PDE8A: variants seen among roughly 807,000 people sequenced by gnomAD.
PDE8A encodes phosphodiesterase 8A.
PDE8A carries 59 observed loss-of-function variants against 105.0 expected under a neutral mutation model. The ratio of observed to expected loss-of-function variants is 0.56; its 90% CI spans 0.46 to 0.70. PDE8A has a LOEUF of 0.70. Among genes scored for constraint, PDE8A ranks in the 30% least tolerant of loss-of-function variants. PDE8A has a pLI of 0.00. For synonymous variants in PDE8A, 355 were observed against 371.9 expected, an observed-to-expected ratio of 0.95 and a Z score of 0.52; for missense variants, 1,014 against 1,045.9, an observed-to-expected ratio of 0.97 and a Z score of 0.42.
At chr15:84,980,506 TG>T (rs1301094841), upstream of PDE8A, 4 of 152,286 alleles carry the variant, frequency 2.6e-5, no homozygotes, top group Non-Finnish European at 5.9e-5. Context: ...AGGAAAGGTG[TG>T]GACGGTCGGA....
At chr15:85,062,251 ATTGTT>A (rs59124541) in intron 1 of PDE8A, among the ~76,000 whole-genome samples, 2 of 151,762 alleles carry the variant, frequency 1.3e-5, no homozygotes, top group Non-Finnish European at 2.9e-5. Flanking sequence ...ATTTGCTGTT[ATTGTT>A]TTGTTTTGTT....
intron 3 of PDE8A, among the ~76,000 whole-genome samples, chr15:85,070,769 C>T (rs2081299041): frequency 6.6e-6 from 1 of 152,126 alleles, no homozygotes; most frequent in Admixed American, 6.5e-5. Flanking sequence ...GTGGACTCTA[C>T]CCCGTAGGTA....
chr15:85,125,377 C>G (rs543275074), intron 19 of PDE8A, among the ~76,000 whole-genome samples: 7 of 152,310 alleles, frequency 4.6e-5, no homozygotes, highest in African/African-American at 1.7e-4. Context: ...CCCCAATACC[C>G]TCTAACCTGA....
intron 1 of PDE8A, among the ~76,000 whole-genome samples, chr15:85,019,933 T>G (rs1444578286): frequency 1.4e-5 from 2 of 141,874 alleles, no homozygotes; most frequent in African/African-American, 5.2e-5. Context: ...TTTGGGGGAG[T>G]TTTTTTTTGG....
At chr15:85,027,571 A>G (rs2080539414) in intron 1 of PDE8A, among the ~76,000 whole-genome samples, 2 of 152,220 alleles carry the variant, frequency 1.3e-5, no homozygotes, top group African/African-American at 4.8e-5. Context: ...TACCCTTTCA[A>G]GGAAATGTGC....
chr15:85,078,316 G>C (rs1323408611), intron 5 of PDE8A, among the ~76,000 whole-genome samples: 2 of 151,902 alleles, frequency 1.3e-5, no homozygotes. Flanking sequence ...GGGAGGCCGA[G>C]GTGGGCAGAT....
At chr15:85,062,482 C>G (rs1055893636) in intron 1 of PDE8A, 1 of 152,244 alleles carries the variant, frequency 6.6e-6, no homozygotes, top group Non-Finnish European at 1.5e-5. Flanking sequence ...AGGGCACTAG[C>G]CCTTTAAATC....
intron 1 of PDE8A, among the ~76,000 whole-genome samples, chr15:85,001,149 C>T (rs1247926416): frequency 6.6e-6 from 1 of 152,140 alleles, no homozygotes; most frequent in Non-Finnish European, 1.5e-5. Context: ...CACTGAATGC[C>T]TCGAGTACTC....
chr15:85,071,348 T>C (rs2081307790), intron 3 of PDE8A, among the ~76,000 whole-genome samples: 1 of 152,224 alleles, frequency 6.6e-6, no homozygotes, highest in African/African-American at 2.4e-5. Flanking sequence ...GGCAGAGGCC[T>C]GCACTCTTGC....
intron 20 of PDE8A, among the ~76,000 whole-genome samples, chr15:85,127,880 C>T (rs544349085): frequency 6.6e-6 from 1 of 152,088 alleles, no homozygotes; most frequent in Non-Finnish European, 1.5e-5. Flanking sequence ...AAGATATGCC[C>T]TGTTTGGCTT....
intron 19 of PDE8A, among the ~76,000 whole-genome samples, chr15:85,123,775 C>A (rs2082218796): frequency 6.6e-6 from 1 of 152,174 alleles, no homozygotes; most frequent in Non-Finnish European, 1.5e-5. Context: ...ACAGTGGGCT[C>A]ACTGAATTTA....
chr15:85,012,012 C>A (rs1166079302), intron 1 of PDE8A, among the ~76,000 whole-genome samples: 6 of 152,178 alleles, frequency 3.9e-5, no homozygotes, highest in African/African-American at 7.2e-5. Flanking sequence ...CATCTCACAC[C>A]AGTTAGAAAG....
At chr15:85,050,292 T>C (rs947248916) in intron 1 of PDE8A, among the ~76,000 whole-genome samples, 4 of 152,194 alleles carry the variant, frequency 2.6e-5, no homozygotes, top group Non-Finnish European at 4.4e-5. Context: ...ATGTTGTCTT[T>C]TTATGCACAA....
chr15:85,068,997 C>A (rs2081273363), intron 3 of PDE8A, among the ~76,000 whole-genome samples: 1 of 152,130 alleles, frequency 6.6e-6, no homozygotes, highest in African/African-American at 2.4e-5. Flanking sequence ...ATTCATTCAG[C>A]AGATTTTTAT....
At chr15:85,079,913 C>CA (rs1161664522) in intron 5 of PDE8A, among the ~76,000 whole-genome samples, 284 of 138,224 alleles carry the variant, frequency 2.1e-3, no homozygotes, top group African/African-American at 5.1e-3. Context: ...GACTCCATCT[C>CA]AAAAAAAAAA....
chr15:84,997,648 A>C (rs1172533728), intron 1 of PDE8A, among the ~76,000 whole-genome samples: 1 of 151,698 alleles, frequency 6.6e-6, no homozygotes. Context: ...GCCGGAGTGC[A>C]ATGGTGCGAT....
In PDE8A at chr15:85,117,708, G is replaced by A. The variant is rs200743547; in HGVS notation, c.1603G>A (p.Glu535Lys). Residue 535 changes from glutamate to lysine, a missense_variant, in exon 17 of 22, where the codon GAG becomes AAG. Transcript: ENST00000394553. ...AATCTGTGAATTCTTACACTGCTCCGAGTCAACGCTAAGATCATGGTTACA... is the reference window on the plus strand; with the variant it reads ...AATCTGTGAATTCTTACACTGCTCCAAGTCAACGCTAAGATCATGGTTACA... ...FGICEFLHCS[E>K]STLRSWLQII... 19 of 1,613,858 alleles carry A rather than the reference G, an allele frequency of 1.2e-5. No homozygotes were observed. The Admixed American group carries it at 1.8e-4, about 16-fold the overall frequency.
chr15:85,037,656 CCTCATTTGTGAGATTT>C (rs1388125300), intron 1 of PDE8A, among the ~76,000 whole-genome samples: 1 of 152,132 alleles, frequency 6.6e-6, no homozygotes, highest in Non-Finnish European at 1.5e-5. Flanking sequence ...TATTTTCAAA[CCTCATTTGTGAGATTT>C]TAGGGATACG....
chr15:85,063,121 A>G (rs1238722337), intron 1 of PDE8A: 1 of 151,790 alleles, frequency 6.6e-6, no homozygotes, highest in Non-Finnish European at 1.5e-5. Context: ...TCTGAGAGAT[A>G]AAATTATTGC....
Sources: allele counts gnomAD v4.1 joint callset (sites outside exome capture counted in the v4.1 genomes callset), GRCh38; gene constraint gnomAD v4.1.1; transcripts MANE v1.5; gene names NCBI Gene and HGNC (gene_info 2026-07-23, HGNC 2026-07-21).